ATF7IP2: variants seen among roughly 807,000 people sequenced by gnomAD.
ATF7IP2 encodes the protein activating transcription factor 7-interacting protein 2.
Under a neutral mutation model 64.2 loss-of-function variants are expected in ATF7IP2, and 42 were observed. The observed-to-expected ratio is 0.65, with a 90% confidence interval of 0.51 to 0.85. ATF7IP2 has a LOEUF of 0.85. Among genes scored for constraint, ATF7IP2 ranks in the 40% least tolerant of loss-of-function variants. The pLI, the probability that ATF7IP2 is intolerant of heterozygous loss-of-function variation, is 0.00. For synonymous variants in ATF7IP2, 308 were observed against 272.8 expected, an observed-to-expected ratio of 1.13 and a Z score of -1.27; for missense variants, 933 against 784.2, an observed-to-expected ratio of 1.19 and a Z score of -2.27.
At chr16:10,469,703 G>C (rs1344780821) in intron 9 of ATF7IP2, among the ~76,000 whole-genome samples, 1 of 152,018 alleles carries the variant, frequency 6.6e-6, no homozygotes, top group Non-Finnish European at 1.5e-5. Context: ...TTGAACCAAG[G>C]AGGCAGAGGT....
intron 1 of ATF7IP2, among the ~76,000 whole-genome samples, chr16:10,413,189 C>T (rs546433078): frequency 3.9e-5 from 6 of 152,182 alleles, no homozygotes; most frequent in East Asian, 1.9e-4. Flanking sequence ...TGGCTGTGTC[C>T]GTACTCAAAT....
Position 10,451,801 on chromosome 16 carries a change from G to A in ATF7IP2, c.1195-5571G>A, listed in dbSNP as rs541161375. On this transcript the variant is annotated intron_variant, in intron 8 of 13. Transcript: ENST00000562102. The stretch of plus-strand genomic sequence containing the variant: ...AGGCTGGGTACACTGGCTCACACCT[G>A]TAATCCCAGCACTTTGAGAGGTCGA... Among the ~76,000 whole-genome samples, 7 of 152,046 alleles carry A rather than the reference G, an allele frequency of 4.6e-5. No homozygotes were observed. In the East Asian group the frequency reaches 9.7e-4, roughly 21 times the overall value.
intron 2 of ATF7IP2, among the ~76,000 whole-genome samples, chr16:10,417,859 C>G (rs949473135): frequency 6.6e-6 from 1 of 152,186 alleles, no homozygotes; most frequent in Non-Finnish European, 1.5e-5. Context: ...AATACACCTT[C>G]TCATTTAAAG....
chr16:10,478,283 A>G (rs2050084725), intron 12 of ATF7IP2, among the ~76,000 whole-genome samples: 1 of 150,850 alleles, frequency 6.6e-6, no homozygotes. Flanking sequence ...CCAAAACAGC[A>G]TGGTACTGGT....
intron 5 of ATF7IP2, among the ~76,000 whole-genome samples, chr16:10,432,620 G>GCACT (rs2048293941): frequency 6.6e-6 from 1 of 152,116 alleles, no homozygotes; most frequent in Non-Finnish European, 1.5e-5. Context: ...TACAATCCCA[G>GCACT]CACTTTGGAA....
Position 10,483,215 on chromosome 16 carries a change from A to G in ATF7IP2, c.*966A>G, listed in dbSNP as rs1435238117. ...TGCTGTGTACACAAAAACATAATGT[A>G]TCTTATGAAAGCATTACCCAACCTG... On this transcript the variant is annotated 3_prime_UTR_variant, in exon 14 of 14. Transcript: ENST00000562102. 1 of 152,196 alleles carries G rather than the reference A, an allele frequency of 6.6e-6. No homozygotes were observed. Among genetic ancestry groups the G allele is most frequent in the African/African-American group, 2.4e-5 (1 of 41,460 alleles). The allele number at this position is 152,196 out of a possible 1,614,324, so 9.4% of individuals were successfully genotyped here.
intron 2 of ATF7IP2, among the ~76,000 whole-genome samples, chr16:10,416,020 C>T (rs1250303173): frequency 6.6e-6 from 1 of 152,114 alleles, no homozygotes; most frequent in Non-Finnish European, 1.5e-5. Context: ...ATTTGTACAA[C>T]CAGTATGGAG....
At chr16:10,452,349 T>C (rs1455021639) in intron 8 of ATF7IP2, among the ~76,000 whole-genome samples, 2 of 152,216 alleles carry the variant, frequency 1.3e-5, no homozygotes, top group African/African-American at 4.8e-5. Context: ...TCCTTTCTGT[T>C]TGTTACTCTT....
At chr16:10,447,439 T>G (rs1401710970) in intron 8 of ATF7IP2, 1 of 152,044 alleles carries the variant, frequency 6.6e-6, no homozygotes, top group Non-Finnish European at 1.5e-5. Flanking sequence ...GCCCCCAAAT[T>G]GTTAGAAATG....
In ATF7IP2 at chr16:10,482,241, C is replaced by G. The variant is rs760151295; in HGVS notation, c.2041C>G (p.Leu681Val). ...ATCTATCCCTGGGTTTTCTGAAAAT[C>G]TTACGTAAAAGGTGTTTAATAATGA... ...IKSIPGFSEN[L>V]T is the part of the protein sequence containing the mutation. The change falls in exon 14 of 14, where the codon CTT becomes GTT. Residue 681 changes from leucine (L) to valine (V), a missense_variant. By Grantham distance (32) the Leu-to-Val change is conservative. Coordinates refer to ENST00000562102, the MANE Select transcript of ATF7IP2 (RefSeq NM_001393719.1). 6.3e-7 allele frequency: 1 copy of G among 1,579,958 alleles called. No individual in the cohort carries two copies. The highest frequency in any genetic ancestry group is 2.2e-5 in the East Asian group (1 of 44,666).
At chr16:10,460,609 A>G (rs1567165621) in intron 9 of ATF7IP2, among the ~76,000 whole-genome samples, 1 of 152,176 alleles carries the variant, frequency 6.6e-6, no homozygotes, top group Admixed American at 6.5e-5. Context: ...CATTTGGGAA[A>G]TGATTGACTT....
At chr16:10,412,028 T>TTTTTTTTTTTTTTG (rs2047777093) in intron 1 of ATF7IP2, among the ~76,000 whole-genome samples, 1 of 143,584 alleles carries the variant, frequency 7.0e-6, no homozygotes, top group Non-Finnish European at 1.5e-5. Context: ...TTTTTTTTTT[T>TTTTTTTTTTTTTTG]TTTTTTTTTT....
intron 6 of ATF7IP2, among the ~76,000 whole-genome samples, chr16:10,435,461 A>G (rs2048389816): frequency 6.6e-6 from 1 of 152,220 alleles, no homozygotes; most frequent in Non-Finnish European, 1.5e-5. Context: ...CCAGGACTTC[A>G]ATCTGATTCC....
At chr16:10,429,690 T>C (rs2048176631) in intron 4 of ATF7IP2, among the ~76,000 whole-genome samples, 1 of 126,912 alleles carries the variant, frequency 7.9e-6, no homozygotes, top group Admixed American at 7.8e-5. Flanking sequence ...TGTATCTTAG[T>C]GCTGGTTTTA....
intron 6 of ATF7IP2, among the ~76,000 whole-genome samples, chr16:10,434,954 A>G (rs558782121): frequency 6.6e-6 from 1 of 152,260 alleles, no homozygotes; most frequent in South Asian, 2.1e-4. Context: ...TATTTTTAGT[A>G]GAGACAGATT....
At chr16:10,394,064 G>A (rs1171938851) in intron 1 of ATF7IP2, among the ~76,000 whole-genome samples, 4 of 152,088 alleles carry the variant, frequency 2.6e-5, no homozygotes. Flanking sequence ...TGTCAGGTGT[G>A]AAAGGATTAA....
At chr16:10,469,564 T>G (rs2049710560) in intron 9 of ATF7IP2, among the ~76,000 whole-genome samples, 2 of 151,824 alleles carry the variant, frequency 1.3e-5, no homozygotes, top group Admixed American at 6.6e-5. Flanking sequence ...ACACATCACA[T>G]AGAAAGGAAC....
chr16:10,474,027 A>T (rs1314148417), intron 12 of ATF7IP2, 38 bp downstream of exon 12: 3 of 1,398,244 alleles, frequency 2.1e-6, no homozygotes, highest in Non-Finnish European at 1.0e-6. Context: ...TGTAAAAAGG[A>T]GGGAAGGGTA....
intron 11 of ATF7IP2, among the ~76,000 whole-genome samples, 192 bp from the exon 12 acceptor site, chr16:10,473,731 A>C (rs912546828): frequency 6.6e-6 from 1 of 152,196 alleles, no homozygotes; most frequent in South Asian, 2.1e-4. Context: ...ATATTCTCAG[A>C]AACCATTTAG....
Sources: allele counts gnomAD v4.1 joint callset (sites outside exome capture counted in the v4.1 genomes callset), GRCh38; gene constraint gnomAD v4.1.1; transcripts MANE v1.5; gene names NCBI Gene and HGNC (gene_info 2026-07-23, HGNC 2026-07-21).